LGI2: variants seen among roughly 807,000 people sequenced by gnomAD.
The protein encoded by LGI2 is leucine-rich repeat LGI family member 2.
In LGI2, 30 loss-of-function variants were observed where a neutral mutation model predicts 52.0. That is an observed-to-expected ratio of 0.58 (90% CI 0.43 to 0.78). The LOEUF (loss-of-function observed/expected upper bound fraction) is 0.78. Ranked by LOEUF, LGI2 falls within the 30% of genes least tolerant of loss-of-function variation. The probability of loss-of-function intolerance (pLI) is 0.00; values close to 1 mark genes in which losing one functional copy is unlikely to be tolerated. For synonymous variants in LGI2, 270 were observed against 271.8 expected (o/e 0.99, Z 0.06); for missense variants, 573 against 692.5 (o/e 0.83, Z 1.94).
At chr4:25,026,840 C>T (rs368352709) in intron 3 of LGI2, 28 bp downstream of exon 3, 2 of 1,548,830 alleles carry the variant, frequency 1.3e-6, no homozygotes, top group Non-Finnish European at 1.8e-6. Context: ...ACCGAATGTT[C>T]AGCAAATAGA....
chr4:25,024,445 C>T (rs929864628), intron 4 of LGI2, among the ~76,000 whole-genome samples: 1 of 152,044 alleles, frequency 6.6e-6, no homozygotes. Flanking sequence ...ACCCAGGAGG[C>T]GGAGGCTGCA....
chr4:25,028,064 A>G (rs746695268), intron 2 of LGI2, among the ~76,000 whole-genome samples: 3 of 152,256 alleles, frequency 2.0e-5, no homozygotes, highest in Non-Finnish European at 4.4e-5. Context: ...TGATGATGAA[A>G]TAAAATTACG....
rs1246362673 is a variant in LGI2, at chr4:25,030,790, T to TGCC, written c.-100_-98dup. On this transcript the variant is annotated 5_prime_UTR_variant, in exon 1 of 8. Transcript: ENST00000382114. ...CAGACGCGGGCGCCGCTCGCTGCTC[T>TGCC]GCCGCCGCCGCTGCTGGCGAGGACT... is the stretch of plus-strand genomic sequence containing the variant. 1 of 641,494 alleles carries TGCC rather than the reference T, an allele frequency of 1.6e-6. No homozygotes were observed. Among genetic ancestry groups the TGCC allele is most frequent in the Non-Finnish European group, 2.0e-6 (1 of 510,938 alleles). 39.7% of individuals were successfully genotyped at this position (641,494 alleles called of 1,614,324 possible).
chr4:25,010,143 G>A lies in LGI2; in HGVS notation c.820+2192C>T, dbSNP rs187548148. Among the ~76,000 whole-genome samples the A allele has an allele frequency of 4.2e-4, 64 of 152,184 alleles. 2 individuals carry two copies. The highest frequency in any genetic ancestry group is 1.2e-3 in the African/African-American group (51 of 41,560). Reference sequence around the variant, plus strand: ...AAAAATTAAAAAATTAGCCGGGTGCGGTAGCAGGTGCCTGTAGTTCCAACT... The same window carrying A: ...AAAAATTAAAAAATTAGCCGGGTGCAGTAGCAGGTGCCTGTAGTTCCAACT... On this transcript the variant is annotated intron_variant, in intron 7 of 7. Transcript: ENST00000382114.
chr4:25,010,269 G>A (rs1725537113), intron 7 of LGI2, among the ~76,000 whole-genome samples: 1 of 152,058 alleles, frequency 6.6e-6, no homozygotes, highest in Non-Finnish European at 1.5e-5. Flanking sequence ...AACAGAGCGA[G>A]ACTCCATCTC....
At chr4:25,010,279 C>CA (rs1400647366) in intron 7 of LGI2, among the ~76,000 whole-genome samples, 106 of 151,886 alleles carry the variant, frequency 7.0e-4, no homozygotes, top group African/African-American at 1.6e-3. Context: ...GACTCCATCT[C>CA]AAAAAAGAAA....
intron 4 of LGI2, among the ~76,000 whole-genome samples, chr4:25,022,971 A>C (rs1211405895): frequency 1.3e-5 from 2 of 152,210 alleles, no homozygotes; most frequent in African/African-American, 4.8e-5. Flanking sequence ...CTGTCTCCTT[A>C]GTAGACTCTG....
chr4:25,017,096 C>T (rs1261839626), intron 6 of LGI2, among the ~76,000 whole-genome samples: 2 of 152,176 alleles, frequency 1.3e-5, no homozygotes, highest in Admixed American at 6.5e-5. Flanking sequence ...CCCTGGAAAA[C>T]AAAATCAAGC....
At chr4:24,998,234 AT>A (rs1725137957), downstream of LGI2, among the ~76,000 whole-genome samples, 1 of 152,006 alleles carries the variant, frequency 6.6e-6, no homozygotes, top group Non-Finnish European at 1.5e-5. Flanking sequence ...TGCACTTACT[AT>A]TTTCCCTCTT....
intron 4 of LGI2, among the ~76,000 whole-genome samples, chr4:25,023,755 A>G (rs1480843728): frequency 6.6e-6 from 1 of 152,192 alleles, no homozygotes; most frequent in African/African-American, 2.4e-5. Context: ...CAAACTCAAA[A>G]TATCTATCAT....
chr4:25,004,066 G>A lies in LGI2; in HGVS notation c.1023C>T (p.Val341=), dbSNP rs1434068470. The A allele has an allele frequency of 6.2e-7, 1 of 1,614,170 alleles. No homozygotes were observed. The highest frequency in any genetic ancestry group is 1.7e-5 in the Admixed American group (1 of 60,032). ...LFQIDDETFF[V]IADSSKAGLS... is the part of the protein sequence containing the mutation. Reference sequence around the variant, plus strand: ...GACCAGCCTTTGAGCTGTCTGCGATGACAAAGAACGTCTCGTCGTCGATCT... The same window carrying A: ...GACCAGCCTTTGAGCTGTCTGCGATAACAAAGAACGTCTCGTCGTCGATCT... The change falls in exon 8 of 8, where the codon GTC becomes GTT. Residue 341 remains valine, a synonymous_variant. Transcript: ENST00000382114. This position sits in a 1 kb window ranked among gnomAD's most constrained non-coding sequence, Gnocchi z 4.6.
chr4:25,004,352 G>T lies in LGI2; in HGVS notation c.821-84C>A. 8.2e-7 allele frequency: 1 copy of T among 1,226,848 alleles called. No individual in the cohort carries two copies. Among genetic ancestry groups the T allele is most frequent in the Non-Finnish European group, 1.1e-6 (1 of 880,548 alleles). 76.0% of individuals were successfully genotyped at this position (1,226,848 alleles called of 1,614,324 possible). A position where few individuals can be genotyped will look rare whatever the true frequency, so the allele number is the denominator to read the frequency against. On this transcript the variant is annotated intron_variant, in intron 7 of 7. Transcript: ENST00000382114. The surrounding 1 kb of genome is among the most constrained non-coding windows in gnomAD (Gnocchi z 4.6). ...GCTTGTACTCTTATACACTGCTGGT[G>T]GGAGTGTGAAATGGCACAGCCACTA...
chr4:25,012,739 A>G (rs1725630718), intron 6 of LGI2, among the ~76,000 whole-genome samples: 1 of 152,252 alleles, frequency 6.6e-6, no homozygotes, highest in Non-Finnish European at 1.5e-5. Context: ...CCTGTGGAGA[A>G]ACAGCTTCCC....
At chr4:25,024,729 G>A in intron 4 of LGI2, 91 bp downstream of exon 4, 1 of 819,684 alleles carries the variant, frequency 1.2e-6, no homozygotes, top group Non-Finnish European at 1.9e-6. Context: ...ATTTCCTTCA[G>A]GGACAGTTAC....
intron 1 of LGI2, among the ~76,000 whole-genome samples, 162 bp from the exon 2 acceptor site, chr4:25,028,740 G>C (rs1726225482): frequency 6.6e-6 from 1 of 152,172 alleles, no homozygotes; most frequent in Non-Finnish European, 1.5e-5. Flanking sequence ...GGAATAAGAA[G>C]AGACAAGCCA....
At chr4:25,021,698 G>A (rs767456489) in intron 4 of LGI2, among the ~76,000 whole-genome samples, 2 of 152,244 alleles carry the variant, frequency 1.3e-5, no homozygotes, top group South Asian at 2.1e-4. Context: ...TTGGGAGGCC[G>A]AGGTGGGTGG....
chr4:25,010,108 C>T (rs549803630), intron 7 of LGI2, among the ~76,000 whole-genome samples: 3 of 151,830 alleles, frequency 2.0e-5, no homozygotes, highest in Non-Finnish European at 1.5e-5. Flanking sequence ...AGTGAAACCC[C>T]GTCTCTACTA....
downstream of LGI2, among the ~76,000 whole-genome samples, chr4:24,995,926 A>G (rs1369257139): frequency 1.3e-5 from 2 of 152,216 alleles, no homozygotes; most frequent in Non-Finnish European, 1.5e-5. Context: ...TGATATGGAT[A>G]AATATGGAAG....
intron 6 of LGI2, among the ~76,000 whole-genome samples, chr4:25,017,058 A>C (rs1725788045): frequency 6.6e-6 from 1 of 152,210 alleles, no homozygotes; most frequent in Non-Finnish European, 1.5e-5. Flanking sequence ...TAACCTGAAA[A>C]ATGTATAAAC....
Sources: gnomAD v4.1 joint callset for allele counts (sites outside exome capture counted in the v4.1 genomes callset) on GRCh38, gnomAD v4.1.1 for gene constraint, Gnocchi (gnomAD v3.1) non-coding constraint, MANE v1.5 for transcripts, NCBI Gene and HGNC (gene_info 2026-07-23, HGNC 2026-07-21) for gene names.